Variants in PRDM7 observed in about 807,000 individuals in gnomAD.
PRDM7 encodes the protein histone-lysine N-methyltransferase PRDM7.
PRDM7 carries 52 observed loss-of-function variants against 64.3 expected under a neutral mutation model. The observed-to-expected ratio is 0.81, with a 90% CI of 0.65 to 1.02. The LOEUF is 1.02. Ranked by LOEUF, PRDM7 falls within the 50% of genes least tolerant of loss-of-function variation. The pLI is 0.00. For missense variants in PRDM7, 574 were observed against 597.1 expected, an observed-to-expected ratio of 0.96 and a Z score of 0.40; for synonymous variants, 192 against 210.1, an observed-to-expected ratio of 0.91 and a Z score of 0.74.
intron 4 of PRDM7, 62 bp downstream of exon 4, chr16:90,074,854 G>A (rs1248183414): frequency 9.1e-6 from 14 of 1,538,576 alleles, no homozygotes; most frequent in Admixed American, 1.8e-5. Flanking sequence ...ACTCCAGCCT[G>A]GGCAACAAGA....
At chr16:90,074,049 G>T (rs972197009) in intron 4 of PRDM7, among the ~76,000 whole-genome samples, 1 of 151,816 alleles carries the variant, frequency 6.6e-6, no homozygotes, top group South Asian at 2.1e-4. Flanking sequence ...GCCTCCCAAA[G>T]TGCTGGGATT....
In PRDM7 at chr16:90,066,881, C is replaced by T. The variant is rs1210980756; in HGVS notation, c.331G>A (p.Glu111Lys). ...CTTACCTTCTGGTGTTTACTCTGTT[C>T]TCCTCTGAAGGCCATCCAAGGAGGT... Reference protein sequence around the residue: ...VKPPWMAFRGEQSKHQKGMPK... With the variant: ...VKPPWMAFRGKQSKHQKGMPK... Residue 111 changes from glutamate (E) to lysine (K), a missense_variant, in exon 5 of 11, where the codon GAA (glutamate) becomes AAA (lysine). Glu to Lys is a moderately conservative substitution (Grantham distance 56). Coordinates refer to ENST00000449207, the MANE Select transcript of PRDM7 (RefSeq NM_001098173.2). The T allele has an allele frequency of 1.3e-6, 2 of 1,599,520 alleles. No homozygotes were observed. Among genetic ancestry groups the T allele is most frequent in the East Asian group, 4.5e-5 (2 of 44,708 alleles).
chr16:90,060,245 G>C, intron 10 of PRDM7, 96 bp downstream of exon 10: 1 of 1,577,330 alleles, frequency 6.3e-7, no homozygotes, highest in Non-Finnish European at 8.7e-7. Flanking sequence ...ACTGACTTTA[G>C]ACGGCGTTTT....
chr16:90,062,057 C>A lies in PRDM7; in HGVS notation c.746G>T (p.Gly249Val). 6.2e-7 allele frequency: 1 copy of A among 1,614,258 alleles called. No individual in the cohort carries two copies. Residue 249 changes from glycine (G) to valine (V), a missense_variant, in exon 8 of 11, where the codon GGG becomes GTG. Physicochemically the swap from Gly to Val is moderately radical, Grantham distance 109 (BLOSUM62 -3). Coordinates refer to ENST00000449207, the MANE Select transcript of PRDM7 (RefSeq NM_001098173.2). ...ALSLPPGLRI[G>V]PSGIPQAGLG... ...CCCAGCCTGAGGGATGCCTGATGGC[C>A]CAATTCTCAGCCCCGGGGGCAGACT...
chr16:90,063,711 G>C lies in PRDM7; in HGVS notation c.409C>G (p.Pro137Ala). The C allele has an allele frequency of 1.9e-6, 3 of 1,614,148 alleles. No homozygotes were observed. The highest frequency in any genetic ancestry group is 1.7e-6 in the Non-Finnish European group (2 of 1,180,030). ...ESSLRELSGT[P>A]NLLNTSDSEQ... ...GAGTCACTTGTATTCAGTAAATTTG[G>C]CGTTCCTGACAATTCTCTCAAACTA... Residue 137 changes from proline (P) to alanine (A), a missense_variant, in exon 6 of 11, where the codon CCA (proline) becomes GCA (alanine). Transcript: ENST00000449207.
At chr16:90,067,589 C>CTT (rs1220091658) in intron 4 of PRDM7, among the ~76,000 whole-genome samples, 110 of 126,478 alleles carry the variant, frequency 8.7e-4, no homozygotes, top group Middle Eastern at 4.0e-3. Context: ...AAGAAAAGCC[C>CTT]TTTTTTTTTT....
rs2037711574 is a variant in PRDM7, at chr16:90,058,195, T to C, written c.*94A>G. 6.2e-7 allele frequency: 1 copy of C among 1,614,132 alleles called. No individual in the cohort carries two copies. Among genetic ancestry groups the C allele is most frequent in the Non-Finnish European group, 8.5e-7 (1 of 1,180,050 alleles). ...TTTCTGGCCTGTTCTGGACTCTTCT[T>C]CCATCATTCTTTCTCCCACTCTAGA... On this transcript the variant is annotated 3_prime_UTR_variant, in exon 11 of 11. Coordinates refer to ENST00000449207, the MANE Select transcript of PRDM7 (RefSeq NM_001098173.2).
chr16:90,074,626 C>T (rs2038008695), intron 4 of PRDM7, among the ~76,000 whole-genome samples: 1 of 151,920 alleles, frequency 6.6e-6, no homozygotes, highest in African/African-American at 2.4e-5. Flanking sequence ...GTAATCCCAG[C>T]ACTTTGGAAG....
At chr16:90,074,880 T>C (rs548050670) in intron 4 of PRDM7, 36 bp downstream of exon 4, 2 of 864,544 alleles carry the variant, frequency 2.3e-6, no homozygotes, top group African/African-American at 1.8e-5. Context: ...ACTCCGTCTT[T>C]AAAAAAAAAA....
Position 90,063,641 on chromosome 16 carries a change from G to T in PRDM7, c.479C>A (p.Thr160Asn). ...KPVSPPGEAS[T>N]SGQHSRLKLE... ...TTTTAGTCTAGAGTGCTGTCCAGAG[G>T]TACTTGCTTCTCCAGGAGGGGACAC... Residue 160 changes from threonine (T) to asparagine (N), a missense_variant, in exon 6 of 11, where the codon ACC (threonine) becomes AAC (asparagine). By Grantham distance (65) the Thr-to-Asn change is moderately conservative. Coordinates refer to ENST00000449207, the MANE Select transcript of PRDM7 (RefSeq NM_001098173.2). 6.2e-7 allele frequency: 1 copy of T among 1,613,674 alleles called. No homozygotes were observed. The highest frequency in any genetic ancestry group is 2.2e-5 in the East Asian group (1 of 44,890).
At chr16:90,076,554 A>G (rs944304765) in intron 1 of PRDM7, among the ~76,000 whole-genome samples, 7 of 151,902 alleles carry the variant, frequency 4.6e-5, no homozygotes, top group African/African-American at 1.7e-4. Flanking sequence ...TAGACTGAAG[A>G]AATTGGGGTT....
At position 90,062,480 on chromosome 16, in the gene PRDM7, T is replaced by C. The variant is rs1225182871; in HGVS notation, c.531A>G (p.Glu177=). The C allele has an allele frequency of 1.9e-6, 3 of 1,614,078 alleles. No homozygotes were observed. The Admixed American group carries it at 5.0e-5, about 27-fold the overall frequency. The change falls in exon 7 of 11, where the codon GAA becomes GAG. Residue 177 remains glutamate (E), a synonymous_variant. Coordinates refer to ENST00000449207, the MANE Select transcript of PRDM7 (RefSeq NM_001098173.2). The part of the protein sequence containing the change: ...LKLELRRKET[E]GKMYSLRERK... ...TTTCTCGCAGGCTATACATCTTTCCTTCAGTCTCCTTCCTCCTGAGTTCTA... is the reference window on the plus strand; with the variant it reads ...TTTCTCGCAGGCTATACATCTTTCCCTCAGTCTCCTTCCTCCTGAGTTCTA...
rs2037776852 is a variant in PRDM7, at chr16:90,061,489, C to T, written c.913G>A (p.Val305Met). ...ITKGRNCYEY[V>M]DGKDKSSANW... ...GCCGAGGATTTATCTTTTCCATCCA[C>T]ATACTCATAGCAGTTTCTCCCCTTG... Residue 305 changes from valine to methionine, a missense_variant, in exon 9 of 11, where the codon GTG becomes ATG. Transcript: ENST00000449207. 3.7e-6 allele frequency: 6 copies of T among 1,606,332 alleles called. No individual in the cohort carries two copies. The highest frequency in any genetic ancestry group is 3.4e-6 in the Non-Finnish European group (4 of 1,172,952).
intron 4 of PRDM7, 57 bp from the exon 5 acceptor site, chr16:90,066,967 A>ATT: frequency 6.9e-7 from 1 of 1,456,920 alleles, no homozygotes. Context: ...AACTCTAGAG[A>ATT]TTTTTTTTTC....
chr16:90,060,270 T>A, intron 10 of PRDM7, 71 bp downstream of exon 10: 1 of 1,611,440 alleles, frequency 6.2e-7, no homozygotes, highest in Non-Finnish European at 8.5e-7. Flanking sequence ...TACTTAAGAG[T>A]TCAATCATGA....
At position 90,058,303 on chromosome 16, in the gene PRDM7, C is replaced by T; in HGVS notation, c.1465G>A (p.Gly489Ser). 2 of 1,614,198 alleles carry T rather than the reference C, an allele frequency of 1.2e-6. No individual in the cohort carries two copies. Among genetic ancestry groups the T allele is most frequent in the Non-Finnish European group, 1.7e-6 (2 of 1,180,034 alleles). Residue 489 changes from glycine (G) to serine (S), a missense_variant, in exon 11 of 11, where the codon GGT becomes AGT. Coordinates refer to ENST00000449207, the MANE Select transcript of PRDM7 (RefSeq NM_001098173.2). ...TGTCCTTTTATTCAAGAGTTTGGAC[C>T]TTTCTTTGATCTCTTGACCTTTGGT... is the stretch of plus-strand genomic sequence containing the variant. ...TKPKVKRSKK[G>S]PNS is the part of the protein sequence containing the mutation.
chr16:90,062,763 AT>A (rs1232041599), intron 6 of PRDM7, among the ~76,000 whole-genome samples: 1 of 152,170 alleles, frequency 6.6e-6, no homozygotes, highest in African/African-American at 2.4e-5. Context: ...TCATTCATGC[AT>A]TTATTTATTC....
chr16:90,066,376 A>T (rs2037872241), intron 5 of PRDM7, among the ~76,000 whole-genome samples: 1 of 151,268 alleles, frequency 6.6e-6, no homozygotes. Context: ...TTGAAAAATC[A>T]ATTGGACGAA....
chr16:90,069,235 T>A (rs1347612860), intron 4 of PRDM7, among the ~76,000 whole-genome samples: 1 of 150,964 alleles, frequency 6.6e-6, no homozygotes, highest in Non-Finnish European at 1.5e-5. Context: ...TCTTCAGCAA[T>A]GATGCCAAGA....
Sources: allele counts gnomAD v4.1 joint callset (sites outside exome capture counted in the v4.1 genomes callset), GRCh38; gene constraint gnomAD v4.1.1; transcripts MANE v1.5; gene names NCBI Gene and HGNC (gene_info 2026-07-23, HGNC 2026-07-21).